ARNT: variants seen among roughly 807,000 people sequenced by gnomAD.
The protein encoded by ARNT is class E basic helix-loop-helix protein 2.
In ARNT, 30 loss-of-function variants were observed where a neutral mutation model predicts 105.0. That is an observed-to-expected ratio of 0.29 (90% CI 0.21 to 0.39). ARNT has a LOEUF of 0.39. ARNT is among the 10% of genes least tolerant of loss of function. The pLI is 1.00. For missense variants in ARNT, 748 were observed against 978.7 expected, an observed-to-expected ratio of 0.76 and a Z score of 3.15; for synonymous variants, 304 against 344.0, an observed-to-expected ratio of 0.88 and a Z score of 1.29.
chr1:150,868,762 C>T (rs1361379998), intron 1 of ARNT, among the ~76,000 whole-genome samples: 5 of 151,838 alleles, frequency 3.3e-5, no homozygotes, highest in Admixed American at 1.3e-4. Flanking sequence ...TAGCCAGGCG[C>T]GGTGGCACGT....
chr1:150,826,482 C>T, intron 13 of ARNT, 61 bp downstream of exon 13: 1 of 1,341,178 alleles, frequency 7.5e-7, no homozygotes, highest in Non-Finnish European at 1.1e-6. Flanking sequence ...AATCAGTAGT[C>T]AATATTTATG....
chr1:150,846,219 G>T, intron 4 of ARNT, 44 bp downstream of exon 4: 2 of 1,532,410 alleles, frequency 1.3e-6, no homozygotes, highest in East Asian at 2.3e-5. Flanking sequence ...TCTACAACAT[G>T]GATCATATTA....
chr1:150,852,656 A>C lies in ARNT; in HGVS notation c.182+106T>G, dbSNP rs1034911686. The C allele has an allele frequency of 4.5e-5, 42 of 942,632 alleles. No individual in the cohort carries two copies. The highest frequency in any genetic ancestry group is 4.3e-4 in the Admixed American group (17 of 39,566). 58.4% of individuals were successfully genotyped at this position (942,632 alleles called of 1,614,324 possible). ...ATGAATATTTATAGTTTTAGGATGA[A>C]GTACTCTCCTTAGACCTAAGGACAA... On this transcript the variant is annotated intron_variant, in intron 3 of 21. Transcript: ENST00000358595.
At chr1:150,871,955 A>C (rs1413645813) in intron 1 of ARNT, among the ~76,000 whole-genome samples, 4 of 149,694 alleles carry the variant, frequency 2.7e-5, no homozygotes, top group African/African-American at 7.3e-5. Flanking sequence ...ATAATAAAAT[A>C]CTATCTCTTT....
Position 150,813,322 on chromosome 1 carries a change from C to A in ARNT, c.2130G>T (p.Gln710His). Residue 710 changes from glutamine to histidine, a missense_variant, in exon 21 of 22, where the codon CAG becomes CAT. Physicochemically the swap from Gln to His is conservative, Grantham distance 24. Coordinates refer to ENST00000358595, the MANE Select transcript of ARNT (RefSeq NM_001668.4). ...RGSNFAPETG[Q>H]TAGQFQTRTA... ...TCCGTGTCTGGAATTGTCCTGCAGT[C>A]TGTCCAGTCTCAGGAGCTAGAAATA... 1 of 1,610,602 alleles carries A rather than the reference C, an allele frequency of 6.2e-7. No homozygotes were observed. The highest frequency in any genetic ancestry group is 1.1e-5 in the South Asian group (1 of 90,314).
chr1:150,834,666 T>A (rs992513862), intron 7 of ARNT, 26 bp from the exon 8 acceptor site: 1 of 1,605,480 alleles, frequency 6.2e-7, no homozygotes, highest in Non-Finnish European at 8.5e-7. Flanking sequence ...AAGAGCAGTC[T>A]GGAGTGCATT....
At chr1:150,826,000 GC>G (rs1658160746) in intron 13 of ARNT, among the ~76,000 whole-genome samples, 1 of 151,486 alleles carries the variant, frequency 6.6e-6, no homozygotes, top group African/African-American at 2.4e-5. Flanking sequence ...AGCAACCTCT[GC>G]CTCCCAGGTT....
chr1:150,866,629 A>G (rs2102416306), intron 1 of ARNT, among the ~76,000 whole-genome samples: 1 of 152,310 alleles, frequency 6.6e-6, no homozygotes, highest in South Asian at 2.1e-4. Context: ...AAGTCTTTAA[A>G]TATTAATATA....
intron 3 of ARNT, among the ~76,000 whole-genome samples, chr1:150,847,302 G>A (rs587726946): frequency 2.4e-4 from 37 of 151,964 alleles, no homozygotes; most frequent in Admixed American, 1.1e-3. Context: ...GTGGTGGCAC[G>A]TGCTTATAGT....
intron 5 of ARNT, 60 bp downstream of exon 5, chr1:150,842,364 A>G: frequency 6.3e-7 from 1 of 1,578,988 alleles, no homozygotes; most frequent in Non-Finnish European, 8.6e-7. Flanking sequence ...AAGAGTAAGA[A>G]AAAGGATAGA....
rs1290220890 is a variant in ARNT, at chr1:150,810,233, G to A, written c.*1788C>T. On this transcript the variant is annotated 3_prime_UTR_variant, in exon 22 of 22. Coordinates refer to ENST00000358595, the MANE Select transcript of ARNT (RefSeq NM_001668.4). ...AAACAGTCAAAAATAAAACCCTGAA[G>A]GAAAAGCAAAAACAAAACCCCCAGA... 1.7e-5 allele frequency: 4 copies of A among 232,848 alleles called. No homozygotes were observed. The highest frequency in any genetic ancestry group is 4.4e-5 in the African/African-American group (2 of 45,222). 14.4% of individuals were successfully genotyped at this position (232,848 alleles called of 1,614,324 possible). A position where few individuals can be genotyped will look rare whatever the true frequency, so the allele number is the denominator to read the frequency against.
At position 150,817,923 on chromosome 1, in the gene ARNT, G is replaced by A; in HGVS notation, c.1502C>T (p.Pro501Leu). 1 of 1,609,166 alleles carries A rather than the reference G, an allele frequency of 6.2e-7. No individual in the cohort carries two copies. Among genetic ancestry groups the A allele is most frequent in the African/African-American group, 1.3e-5 (1 of 74,872 alleles). The change falls in exon 15 of 22, where the codon CCC (proline) becomes CTC (leucine). Residue 501 changes from proline to leucine, a missense_variant. Physicochemically the swap from Pro to Leu is moderately conservative, Grantham distance 98. This residue lies in a region of ARNT where 360 missense variants were observed against 411.9 expected (regional missense o/e 0.87). Transcript: ENST00000358595. ...TGATTATTTCACCCTTTTTTACCTG[G>A]GTGCCAGCTGTCCTGAGCCCATCTC... The part of the protein sequence containing the change: ...PLEMGSGQLA[P>L]RQQQQQTELD...
chr1:150,822,792 T>G (rs1192560148), intron 14 of ARNT, among the ~76,000 whole-genome samples: 3 of 152,134 alleles, frequency 2.0e-5, no homozygotes, highest in Non-Finnish European at 4.4e-5. Context: ...GCATCAGAAG[T>G]GGGAGCAGTC....
At chr1:150,873,976 G>A (rs1036701587) in intron 1 of ARNT, among the ~76,000 whole-genome samples, 7 of 120,306 alleles carry the variant, frequency 5.8e-5, no homozygotes, top group Non-Finnish European at 1.2e-4. Flanking sequence ...AGGTTAAAGA[G>A]TGAAATATTT....
At chr1:150,828,369 T>C (rs1658701640) in intron 12 of ARNT, among the ~76,000 whole-genome samples, 1 of 142,212 alleles carries the variant, frequency 7.0e-6, no homozygotes, top group Non-Finnish European at 1.5e-5. Context: ...TTTTTTTGCA[T>C]ACAGATATCC....
chr1:150,829,313 C>G, intron 11 of ARNT, 86 bp from the exon 12 acceptor site: 1 of 1,376,592 alleles, frequency 7.3e-7, no homozygotes, highest in Non-Finnish European at 1.0e-6. Context: ...TTTGCATAGA[C>G]ATAAGATTCC....
At chr1:150,860,215 A>ATTTTT (rs1665371914) in intron 1 of ARNT, among the ~76,000 whole-genome samples, 1 of 65,620 alleles carries the variant, frequency 1.5e-5, no homozygotes, top group Non-Finnish European at 3.3e-5. Context: ...AAAAAAAAAA[A>ATTTTT]TTCTTTTTTT....
intron 3 of ARNT, among the ~76,000 whole-genome samples, chr1:150,847,269 A>G (rs888622407): frequency 1.3e-5 from 2 of 152,084 alleles, no homozygotes; most frequent in African/African-American, 4.8e-5. Context: ...CGTCTCTACT[A>G]AAAATACAAA....
Position 150,854,764 on chromosome 1 carries a change from T to G in ARNT, c.138-1958A>C, listed in dbSNP as rs1664266032. Among the ~76,000 whole-genome samples, 11 of 144,970 alleles carry G rather than the reference T, an allele frequency of 7.6e-5. No individual in the cohort carries two copies. The South Asian group carries it at 2.4e-3, about 31-fold the overall frequency. ...CCCAGCTACTCGGGAGGCTGAGGCATGAGAATTGCCTGAACCCGGGAGGCA... is the reference window on the plus strand; with the variant it reads ...CCCAGCTACTCGGGAGGCTGAGGCAGGAGAATTGCCTGAACCCGGGAGGCA... On this transcript the variant is annotated intron_variant, in intron 2 of 21. Transcript: ENST00000358595.
Sources: gnomAD v4.1 joint callset for allele counts (sites outside exome capture counted in the v4.1 genomes callset) on GRCh38, gnomAD v4.1.1 for gene constraint, gnomAD v4.1.1 regional missense constraint, MANE v1.5 for transcripts, NCBI Gene and HGNC (gene_info 2026-07-23, HGNC 2026-07-21) for gene names.